ASB3: variants seen among roughly 807,000 people sequenced by gnomAD.
The protein encoded by ASB3 is ankyrin repeat and SOCS box protein 3.
A neutral mutation model predicts 54.5 loss-of-function variants in ASB3; 41 were observed. That is an observed-to-expected ratio of 0.75 (90% CI 0.59 to 0.98). The LOEUF is 0.98. Ranked by LOEUF, ASB3 falls within the 50% of genes least tolerant of loss-of-function variation. The pLI, the probability that ASB3 is intolerant of heterozygous loss-of-function variation, is 0.00. For missense variants in ASB3, 733 were observed against 620.0 expected, an observed-to-expected ratio of 1.18 and a Z score of -1.94; for synonymous variants, 266 against 221.2, an observed-to-expected ratio of 1.20 and a Z score of -1.80.
intron 1 of ASB3, among the ~76,000 whole-genome samples, chr2:53,785,179 C>CTT (rs1674873960): frequency 1.3e-5 from 2 of 152,362 alleles, no homozygotes; most frequent in African/African-American, 4.8e-5. Context: ...GACTTACGTA[C>CTT]TAAAAGCAAC....
intron 9 of ASB3, among the ~76,000 whole-genome samples, chr2:53,690,510 A>G (rs1668856150): frequency 6.6e-6 from 1 of 152,168 alleles, no homozygotes; most frequent in Non-Finnish European, 1.5e-5. Flanking sequence ...CTACCAAGAC[A>G]TTGTCTAGGA....
At position 53,750,806 on chromosome 2, in the gene ASB3, T is replaced by A. The variant is rs1482124601; in HGVS notation, c.332A>T (p.Glu111Val). 1 of 1,584,834 alleles carries A rather than the reference T, an allele frequency of 6.3e-7. No homozygotes were observed. Among genetic ancestry groups the A allele is most frequent in the Non-Finnish European group, 8.6e-7 (1 of 1,167,570 alleles). ...ACCTAAAAACAATGGTGTCGTTTCTTCTAAAGTAGTTGCATTAGGATCTGC... is the reference window on the plus strand; with the variant it reads ...ACCTAAAAACAATGGTGTCGTTTCTACTAAAGTAGTTGCATTAGGATCTGC... ...AGADPNATTL[E>V]ETTPLFLAVE... Residue 111 changes from glutamate (E) to valine (V), a missense_variant, in exon 3 of 10, where the codon GAA becomes GTA. Glu to Val is a moderately radical substitution (Grantham distance 121). Transcript: ENST00000263634.
chr2:53,772,464 G>A (rs371164823), intron 1 of ASB3, among the ~76,000 whole-genome samples: 16 of 151,960 alleles, frequency 1.1e-4, no homozygotes, highest in African/African-American at 3.4e-4. Context: ...ATGAGCCACC[G>A]CGCCCAGCCG....
rs761420194 is a variant in ASB3 at position 53,714,559 on chromosome 2, G to C, written c.805C>G (p.Leu269Val). 4 of 1,614,062 alleles carry C rather than the reference G, an allele frequency of 2.5e-6. No individual in the cohort carries two copies. In the African/African-American group the frequency reaches 5.3e-5, roughly 22 times the overall value. ...CCAGTGTCACAGGCCCGGTTAGTAA[G>C]TGGTATTAACAAGTCCAAGATTCTA... ...HTKILDLLIP[L>V]TNRACDTGLN... Residue 269 changes from leucine (L) to valine (V), a missense_variant, in exon 7 of 10, where the codon CTT becomes GTT. Leu to Val is a conservative substitution (Grantham distance 32). Coordinates refer to ENST00000263634, the MANE Select transcript of ASB3 (RefSeq NM_016115.5).
chr2:53,754,070 G>A (rs868612233), intron 2 of ASB3, among the ~76,000 whole-genome samples: 3 of 152,140 alleles, frequency 2.0e-5, no homozygotes, highest in Middle Eastern at 3.4e-3. Flanking sequence ...AAAGTAAAAC[G>A]TGCTCAAAAA....
intron 6 of ASB3, among the ~76,000 whole-genome samples, chr2:53,716,249 G>A (rs537901258): frequency 6.6e-5 from 10 of 152,278 alleles, no homozygotes; most frequent in African/African-American, 2.2e-4. Context: ...GCTTAAAGAT[G>A]CCTGGGATAA....
chr2:53,771,099 C>T (rs1340733703), intron 1 of ASB3, among the ~76,000 whole-genome samples: 6 of 152,188 alleles, frequency 3.9e-5, no homozygotes, highest in African/African-American at 9.7e-5. Flanking sequence ...GAATCAAAAA[C>T]TCTGGAGGTG....
At chr2:53,689,785 C>A (rs1270111603) in intron 9 of ASB3, among the ~76,000 whole-genome samples, 1 of 152,096 alleles carries the variant, frequency 6.6e-6, no homozygotes, top group South Asian at 2.1e-4. Flanking sequence ...TACCACAGAT[C>A]AACCTTCATT....
At chr2:53,771,929 T>C (rs767257050) in intron 1 of ASB3, 4 of 1,563,850 alleles carry the variant, frequency 2.6e-6, no homozygotes, top group East Asian at 4.6e-5. Flanking sequence ...GTGACTCTTG[T>C]TGAAGATCCT....
chr2:53,778,053 C>T (rs1010798815), intron 1 of ASB3, among the ~76,000 whole-genome samples: 2 of 150,524 alleles, frequency 1.3e-5, no homozygotes, highest in Non-Finnish European at 2.9e-5. Flanking sequence ...GGAGGCTAAG[C>T]CAGGAGAATT....
At position 53,671,624 on chromosome 2, in the gene ASB3, T is replaced by A. The variant is rs575381980; in HGVS notation, c.1370-934A>T. 3.9e-4 allele frequency among the ~76,000 whole-genome samples: 59 copies of A among 152,184 alleles called. 1 individual carries two copies. The highest frequency in any genetic ancestry group is 1.4e-3 in the African/African-American group (59 of 41,512). On this transcript the variant is annotated intron_variant, in intron 9 of 9. Coordinates refer to ENST00000263634, the MANE Select transcript of ASB3 (RefSeq NM_016115.5). ...AAAATACAAAATTAGCTTGGCGTGG[T>A]GGCACATGCCTGTAATCCCACCTAC...
intron 7 of ASB3, among the ~76,000 whole-genome samples, chr2:53,712,411 C>T (rs2160931): frequency 0.55 from 84,073 of 151,930 alleles, 23,869 homozygotes; most frequent in African/African-American, 0.69. Flanking sequence ...ATTAGTGTTA[C>T]TGACTGATTT....
At chr2:53,748,827 T>C (rs1293930585) in intron 3 of ASB3, among the ~76,000 whole-genome samples, 1 of 152,108 alleles carries the variant, frequency 6.6e-6, no homozygotes, top group Non-Finnish European at 1.5e-5. Context: ...TTTCTGTTGC[T>C]ATAAAAGACA....
chr2:53,741,601 A>T (rs1346148409), intron 3 of ASB3, among the ~76,000 whole-genome samples: 2 of 152,154 alleles, frequency 1.3e-5, no homozygotes, highest in Non-Finnish European at 2.9e-5. Context: ...TATTGTATGG[A>T]CTGGGGTTGA....
intron 1 of ASB3, among the ~76,000 whole-genome samples, chr2:53,786,105 T>C (rs1325989908): frequency 6.6e-6 from 1 of 152,108 alleles, no homozygotes; most frequent in Non-Finnish European, 1.5e-5. Context: ...AATGGTAATT[T>C]CTCTAAAGCC....
At chr2:53,677,723 T>TA (rs1327225841) in intron 9 of ASB3, among the ~76,000 whole-genome samples, 3 of 152,054 alleles carry the variant, frequency 2.0e-5, no homozygotes, top group Non-Finnish European at 4.4e-5. Flanking sequence ...GTAAATTTTG[T>TA]AAAAAATAAT....
At chr2:53,774,886 T>A (rs764123225) in intron 1 of ASB3, 1 of 168,494 alleles carries the variant, frequency 5.9e-6, no homozygotes, top group Non-Finnish European at 1.3e-5. Context: ...CCAATAAATA[T>A]AAGGTTATGC....
At chr2:53,733,296 T>C (rs560916752) in intron 3 of ASB3, among the ~76,000 whole-genome samples, 1 of 152,332 alleles carries the variant, frequency 6.6e-6, no homozygotes, top group South Asian at 2.1e-4. Context: ...CTAACAGGAA[T>C]GAACTACACA....
chr2:53,768,035 C>G (rs1350284557), intron 1 of ASB3: 8 of 1,611,808 alleles, frequency 5.0e-6, no homozygotes, highest in Middle Eastern at 1.6e-4. Flanking sequence ...AGGCGCCGGT[C>G]AGCTCCCCAC....
Sources: allele counts gnomAD v4.1 joint callset (sites outside exome capture counted in the v4.1 genomes callset), GRCh38; gene constraint gnomAD v4.1.1; transcripts MANE v1.5; gene names NCBI Gene and HGNC (gene_info 2026-07-23, HGNC 2026-07-21).